WDR17: variants seen among roughly 807,000 people sequenced by gnomAD.
WDR17 encodes WD repeat domain 17.
In WDR17, 143 loss-of-function variants were observed where a neutral mutation model predicts 161.7. The ratio of observed to expected loss-of-function variants is 0.88; its 90% CI spans 0.77 to 1.02. The LOEUF (loss-of-function observed/expected upper bound fraction) is 1.02, where lower values mean the gene tolerates loss of function less well. WDR17 is among the 50% of genes least tolerant of loss of function. WDR17 has a pLI of 0.00. For synonymous variants in WDR17, 517 were observed against 515.6 expected (o/e 1.00, Z -0.04); for missense variants, 1,469 against 1,520.9 (o/e 0.97, Z 0.57).
intron 1 of WDR17, among the ~76,000 whole-genome samples, chr4:176,079,045 G>C (rs1235726995): frequency 1.3e-5 from 2 of 151,742 alleles, no homozygotes; most frequent in Non-Finnish European, 2.9e-5. Flanking sequence ...ACCCTTTGTG[G>C]CTTCTCATAA....
chr4:176,103,840 G>T (rs1285961013), intron 1 of WDR17, among the ~76,000 whole-genome samples: 1 of 151,782 alleles, frequency 6.6e-6, no homozygotes, highest in Non-Finnish European at 1.5e-5. Flanking sequence ...AGATGGAAGA[G>T]AAGAGAGAAT....
intron 15 of WDR17, 50 bp downstream of exon 15, chr4:176,150,223 A>C (rs1027500207): frequency 1.9e-6 from 3 of 1,594,048 alleles, no homozygotes; most frequent in Non-Finnish European, 2.6e-6. Flanking sequence ...AGCCAACATG[A>C]ATCATTACAA....
chr4:176,151,232 G>A (rs564534314), intron 16 of WDR17, among the ~76,000 whole-genome samples: 6 of 152,306 alleles, frequency 3.9e-5, no homozygotes, highest in South Asian at 4.1e-4. Flanking sequence ...TTTGACAGGA[G>A]AAGAGCTAAT....
chr4:176,140,023 C>T (rs1745008094), intron 10 of WDR17, 49 bp downstream of exon 10: 2 of 1,448,544 alleles, frequency 1.4e-6, no homozygotes, highest in African/African-American at 1.4e-5. Flanking sequence ...GTTTATAAAG[C>T]ACTCATTTGA....
intron 1 of WDR17, among the ~76,000 whole-genome samples, chr4:176,099,431 G>A (rs1326774731): frequency 6.6e-6 from 1 of 152,092 alleles, no homozygotes; most frequent in Non-Finnish European, 1.5e-5. Context: ...CAGTAATGGG[G>A]GTGGCGGGGG....
chr4:176,085,475 C>G (rs1735306818), intron 1 of WDR17, among the ~76,000 whole-genome samples: 1 of 152,034 alleles, frequency 6.6e-6, no homozygotes, highest in Admixed American at 6.6e-5. Context: ...TACATGTAGA[C>G]TTATATTCAT....
At chr4:176,155,716 A>ATATATAT (rs1748001291) in intron 17 of WDR17, among the ~76,000 whole-genome samples, 1 of 130,294 alleles carries the variant, frequency 7.7e-6, no homozygotes, top group African/African-American at 3.0e-5. Flanking sequence ...GACTAATTAA[A>ATATATAT]ATATATATAT....
At chr4:176,141,537 C>T (rs1464823265) in intron 10 of WDR17, among the ~76,000 whole-genome samples, 1 of 152,102 alleles carries the variant, frequency 6.6e-6, no homozygotes. Flanking sequence ...TCAAGTGATC[C>T]TCCTGCCTCA....
intron 5 of WDR17, among the ~76,000 whole-genome samples, chr4:176,127,294 AT>A (rs34588473): frequency 0.08 from 11,449 of 142,884 alleles, 741 homozygotes; most frequent in African/African-American, 0.2. Context: ...TAGGCATGGA[AT>A]TTTTTTTTTT....
chr4:176,171,773 A>ATT (rs77463468), intron 23 of WDR17, among the ~76,000 whole-genome samples: 9 of 151,206 alleles, frequency 6.0e-5, no homozygotes, highest in Non-Finnish European at 8.9e-5. Flanking sequence ...ACAGAAAAAG[A>ATT]TTTTTTTTTA....
Position 176,124,959 on chromosome 4 carries a change from A to G in WDR17, c.539-145A>G, listed in dbSNP as rs1042752051. Reference sequence around the variant, plus strand: ...ACAGATCTTTCTGCATTCACATGTCAGTTACGCCTTCTGCATATAAGCACC... The same window carrying G: ...ACAGATCTTTCTGCATTCACATGTCGGTTACGCCTTCTGCATATAAGCACC... On this transcript the variant is annotated intron_variant, in intron 4 of 28. Coordinates refer to ENST00000508596, the MANE Select transcript of WDR17 (RefSeq NM_181265.4). 5.5e-6 allele frequency: 5 copies of G among 902,206 alleles called. No homozygotes were observed. The African/African-American group carries it at 8.4e-5, about 15-fold the overall frequency. The allele number at this position is 902,206 out of a possible 1,614,324, so 55.9% of individuals were successfully genotyped here. A position where few individuals can be genotyped will look rare whatever the true frequency, so the allele number is the denominator to read the frequency against.
At chr4:176,111,077 T>C (rs1023772421) in intron 1 of WDR17, 3 of 152,272 alleles carry the variant, frequency 2.0e-5, no homozygotes, top group African/African-American at 4.8e-5. Flanking sequence ...TGAAGTTCTA[T>C]GACACAGGTC....
Position 176,148,327 on chromosome 4 carries a change from A to T in WDR17, c.1889A>T (p.Asp630Val), listed in dbSNP as rs1746528040. The change falls in exon 13 of 29, where the codon GAT becomes GTT. Residue 630 changes from aspartate to valine, a missense_variant. Transcript: ENST00000508596. ...GATACTGTGTATGATCACGGTGCAG[A>T]TGTATATGGTAGAGTGTCTTTCATT... The part of the protein sequence containing the change: ...CVDTVYDHGA[D>V]VYGLTCHPSR... The T allele has an allele frequency of 1.2e-6, 2 of 1,612,618 alleles. No individual in the cohort carries two copies. The highest frequency in any genetic ancestry group is 8.5e-7 in the Non-Finnish European group (1 of 1,179,424).
At chr4:176,139,472 A>G (rs1744912327) in intron 9 of WDR17, among the ~76,000 whole-genome samples, 1 of 152,072 alleles carries the variant, frequency 6.6e-6, no homozygotes, top group African/African-American at 2.4e-5. Context: ...ACAACCAATA[A>G]TAACTGCTTG....
At chr4:176,073,563 A>G (rs1733530833) in intron 1 of WDR17, among the ~76,000 whole-genome samples, 1 of 151,710 alleles carries the variant, frequency 6.6e-6, no homozygotes, top group Non-Finnish European at 1.5e-5. Context: ...CGCAATAAAC[A>G]TACGTGTGCA....
intron 1 of WDR17, among the ~76,000 whole-genome samples, chr4:176,081,679 C>T (rs1430236256): frequency 6.6e-6 from 1 of 152,104 alleles, no homozygotes; most frequent in East Asian, 1.9e-4. Context: ...TTTTCTTGGC[C>T]TTTCCTTCGG....
At chr4:176,108,103 G>T (rs952777286) in intron 1 of WDR17, among the ~76,000 whole-genome samples, 1 of 151,626 alleles carries the variant, frequency 6.6e-6, no homozygotes, top group Non-Finnish European at 1.5e-5. Context: ...CAGTAGCATG[G>T]TCATAGCGCA....
At position 176,076,207 on chromosome 4, in the gene WDR17, CATATATAATATATATATATATATAT is replaced by C. The variant is rs1489406101; in HGVS notation, c.-7+10136_-7+10160del. Among the ~76,000 whole-genome samples the C allele has an allele frequency of 6.3e-3, 824 of 131,242 alleles. 3 individuals carry two copies. Among genetic ancestry groups the C allele is most frequent in the South Asian group, 9.0e-3 (40 of 4,422 alleles). 86.1% of individuals were successfully genotyped at this position (131,242 alleles called of 152,430 possible). Reference sequence around the variant, plus strand: ...GTATGGATAGTTAACTGTATGTTTACATATATAATATATATATATATATATATATATATATATATATATATATACA... The same window carrying C: ...GTATGGATAGTTAACTGTATGTTTACATATATATATATATATATATATACA... On this transcript the variant is annotated intron_variant, in intron 1 of 28. Transcript: ENST00000508596.
chr4:176,151,843 T>C lies in WDR17; in HGVS notation c.2336T>C (p.Met779Thr). Residue 779 changes from methionine to threonine, a missense_variant, in exon 17 of 29, where the codon ATG becomes ACG. Transcript: ENST00000508596. ...GCTCAAGAACTAACAACAGTCAAGATGTCTAAATTTGGTGGTGGTATTGGT... is the reference window on the plus strand; with the variant it reads ...GCTCAAGAACTAACAACAGTCAAGACGTCTAAATTTGGTGGTGGTATTGGT... ...SEAQELTTVK[M>T]SKFGGGIGVP... 6.2e-7 allele frequency: 1 copy of C among 1,604,170 alleles called. No homozygotes were observed. The highest frequency in any genetic ancestry group is 8.5e-7 in the Non-Finnish European group (1 of 1,177,048).
Sources: allele counts gnomAD v4.1 joint callset (sites outside exome capture counted in the v4.1 genomes callset), GRCh38; gene constraint gnomAD v4.1.1; transcripts MANE v1.5; gene names NCBI Gene and HGNC (gene_info 2026-07-23, HGNC 2026-07-21).